The following ABCA3 variants were observed in gnomAD, a reference collection of about 807,000 sequenced individuals.
ABCA3 encodes ATP binding cassette subfamily A member 3, also known as phospholipid-transporting ATPase ABCA3.
ABCA3 carries 88 observed loss-of-function variants against 172.8 expected under a neutral mutation model. That is an observed-to-expected ratio of 0.51 (90% confidence interval 0.43 to 0.61). The LOEUF is 0.61. Ranked by LOEUF, ABCA3 falls within the 20% of genes least tolerant of loss-of-function variation. ABCA3 has a pLI of 0.00. For synonymous variants in ABCA3, 1,066 were observed against 983.8 expected (o/e 1.08, Z -1.56); for missense variants, 2,164 against 2,301.0 (o/e 0.94, Z 1.22).
intron 11 of ABCA3, among the ~76,000 whole-genome samples, chr16:2,305,299 A>T (rs1387684298): frequency 6.7e-6 from 1 of 150,196 alleles, no homozygotes; most frequent in Non-Finnish European, 1.5e-5. Flanking sequence ...ACACCTGGCT[A>T]ATTTTTGTAT....
chr16:2,278,060 C>T lies in ABCA3; in HGVS notation c.4728G>A (p.Glu1576=), dbSNP rs1433361192. Residue 1576 remains glutamate (E), a synonymous_variant, in exon 31 of 33, where the codon GAG becomes GAA. Coordinates refer to ENST00000301732, the MANE Select transcript of ABCA3 (RefSeq NM_001089.3). The surrounding 1 kb of genome is among the most constrained non-coding windows in gnomAD (Gnocchi z 4.4). ...CCAGCCGGGTGCACAGGGCCTCACA[C>T]TCCTCCATGCTGTGGAGAGGGCGGG... ...AIIITSHSME[E]CEALCTRLAI... 4.3e-6 allele frequency: 7 copies of T among 1,613,432 alleles called. No individual in the cohort carries two copies. Among genetic ancestry groups the T allele is most frequent in the Non-Finnish European group, 5.9e-6 (7 of 1,180,010 alleles).
At chr16:2,301,513 C>A (rs547443555) in intron 12 of ABCA3, among the ~76,000 whole-genome samples, 1 of 152,110 alleles carries the variant, frequency 6.6e-6, no homozygotes, top group South Asian at 2.1e-4. Flanking sequence ...TCAAGACCAG[C>A]CTGGCCAACA....
chr16:2,302,172 C>T (rs1017710609), intron 12 of ABCA3, among the ~76,000 whole-genome samples: 4 of 152,112 alleles, frequency 2.6e-5, no homozygotes, highest in African/African-American at 9.7e-5. Context: ...AATCTCTGTT[C>T]GGGGCTCTCA....
intron 10 of ABCA3, among the ~76,000 whole-genome samples, 157 bp from the exon 11 acceptor site, chr16:2,308,780 G>A (rs1256461244): frequency 2.0e-5 from 3 of 152,136 alleles, no homozygotes; most frequent in Non-Finnish European, 2.9e-5. Context: ...CCAGCACGGG[G>A]GGACACCAGG....
Position 2,299,409 on chromosome 16 carries a change from G to C in ABCA3, c.1735C>G (p.Leu579Val), listed in dbSNP as rs1371854650. The C allele has an allele frequency of 3.1e-6, 5 of 1,613,604 alleles. No homozygotes were observed. Among genetic ancestry groups the C allele is most frequent in the Non-Finnish European group, 4.2e-6 (5 of 1,179,992 alleles). The part of the protein sequence containing the change: ...GAGKTTTLSM[L>V]TGLFPPTSGR... Reference sequence around the variant, plus strand: ...TGAGGCGCCTGGCCCTCACCTGTGAGCATGGAGAGGGTGGTGGTCTTCCCG... The same window carrying C: ...TGAGGCGCCTGGCCCTCACCTGTGACCATGGAGAGGGTGGTGGTCTTCCCG... Residue 579 changes from leucine (L) to valine (V), a missense_variant, in exon 14 of 33, where the codon CTC becomes GTC. By Grantham distance (32) the Leu-to-Val change is conservative (BLOSUM62 1). Transcript: ENST00000301732.
At chr16:2,329,244 T>G (rs1171442488) in intron 2 of ABCA3, among the ~76,000 whole-genome samples, 1 of 152,240 alleles carries the variant, frequency 6.6e-6, no homozygotes, top group Non-Finnish European at 1.5e-5. Flanking sequence ...GTAGAAGACC[T>G]GTCTCAAAGT....
rs1303949949 is a variant in ABCA3, at chr16:2,308,589, G to A, written c.1146C>T (p.Tyr382=). Residue 382 remains tyrosine, a synonymous_variant, in exon 11 of 33, where the codon TAC becomes TAT. Transcript: ENST00000301732. ...AGAAGTAGGGGATGTAGGTGAAGAA[G>A]TAGAGGAAGCCTCCGAAGGCTGCTG... ...NMAAAFGGFL[Y]FFTYIPYFFV... is the part of the protein sequence containing the mutation. The A allele has an allele frequency of 6.2e-7, 1 of 1,614,092 alleles. No homozygotes were observed. The highest frequency in any genetic ancestry group is 1.1e-5 in the South Asian group (1 of 91,094).
In ABCA3 at chr16:2,299,912, G is replaced by A. The variant is rs112441164; in HGVS notation, c.1611+93C>T. The A allele has an allele frequency of 1.7e-5, 26 of 1,562,946 alleles. No individual in the cohort carries two copies. The African/African-American group carries it at 1.8e-4, about 11-fold the overall frequency. On this transcript the variant is annotated intron_variant, in intron 13 of 32. Transcript: ENST00000301732. ...GGAGGGAGCAAGGCTCAGAGGGAGC[G>A]CCTGACGGGCTATGAGGTCTCACTG...
In ABCA3 at chr16:2,298,504, C is replaced by A; in HGVS notation, c.1778G>T (p.Ser593Ile). 6.2e-7 allele frequency: 1 copy of A among 1,614,040 alleles called. No homozygotes were observed. Among genetic ancestry groups the A allele is most frequent in the Non-Finnish European group, 8.5e-7 (1 of 1,180,038 alleles). The change falls in exon 15 of 33, where the codon AGC (serine) becomes ATC (isoleucine). Residue 593 changes from serine to isoleucine, a missense_variant. Ser to Ile is a moderately radical substitution (Grantham distance 142). Around this residue, in one of 3 missense-constraint regions of ABCA3, gnomAD observed 1,343 missense variants for 1,369.6 expected, o/e 0.98. Transcript: ENST00000301732. ...CATGTCCTGGGAAATTTCATACCCGCTGATGTATGCCCGTCCACTGGTGGG... is the reference window on the plus strand; with the variant it reads ...CATGTCCTGGGAAATTTCATACCCGATGATGTATGCCCGTCCACTGGTGGG... Reference protein sequence around the residue: ...FPPTSGRAYISGYEISQDMVQ... With the variant: ...FPPTSGRAYIIGYEISQDMVQ...
rs560583265 is a variant in ABCA3 at position 2,338,551 on chromosome 16, G to T, written c.-539+2022C>A. ...GCCCAGGCTGGCTTCCCAGGTGATT[G>T]TAACGGGAAGCCTGGGTGGAGACCC... On this transcript the variant is annotated intron_variant, in intron 1 of 32. Coordinates refer to ENST00000301732, the MANE Select transcript of ABCA3 (RefSeq NM_001089.3). Among the ~76,000 whole-genome samples the T allele has an allele frequency of 3.3e-5, 5 of 152,142 alleles. No homozygotes were observed. In the East Asian group the frequency reaches 9.7e-4, roughly 29 times the overall value.
rs750170161 is a variant in ABCA3 at position 2,304,057 on chromosome 16, G to A, written c.1379C>T (p.Ser460Phe). 6 of 1,614,094 alleles carry A rather than the reference G, an allele frequency of 3.7e-6. No individual in the cohort carries two copies. In the Admixed American group the frequency reaches 8.3e-5, roughly 22 times the overall value. ...GQVLGMLLLD[S>F]VLYGLVTWYM... ...CCAGGTCACCAGGCCATAGAGCACA[G>A]AGTCCAGCAGCAGCATCCCCAGCAC... The change falls in exon 12 of 33, where the codon TCT becomes TTT. Residue 460 changes from serine to phenylalanine, a missense_variant. Transcript: ENST00000301732.
At position 2,284,301 on chromosome 16, in the gene ABCA3, G is replaced by A. The variant is rs147123460; in HGVS notation, c.3840C>T (p.Ala1280=). 18 of 1,613,686 alleles carry A rather than the reference G, an allele frequency of 1.1e-5. 1 individual carries two copies. The highest frequency in any genetic ancestry group is 1.7e-4 in the Middle Eastern group (1 of 6,054). Residue 1280 remains alanine (A), a synonymous_variant, in exon 25 of 33, where the codon GCC becomes GCT. Transcript: ENST00000301732. This position sits in a 1 kb window ranked among gnomAD's most constrained non-coding sequence, Gnocchi z 5.9. ...CACTATATTTCTTGCAGTAGTGGGC[G>A]GCGACCTCGGAGGAGGTGCAGTACC... The part of the protein sequence containing the change: ...TRRYCTSSEV[A]AHYCKKYNIQ...
In ABCA3 at chr16:2,297,705, G is replaced by C; in HGVS notation, c.2052+61C>G. Reference sequence around the variant, plus strand: ...AGGGCCAAGGTGCCCGGGCCATGGCGGAAGGGCCATCCCAGGTCGAGCAGG... The same window carrying C: ...AGGGCCAAGGTGCCCGGGCCATGGCCGAAGGGCCATCCCAGGTCGAGCAGG... On this transcript the variant is annotated intron_variant, in intron 16 of 32. Transcript: ENST00000301732. The surrounding 1 kb of genome is among the most constrained non-coding windows in gnomAD (Gnocchi z 5.6). The C allele has an allele frequency of 6.2e-7, 1 of 1,601,970 alleles. No individual in the cohort carries two copies. Among genetic ancestry groups the C allele is most frequent in the Non-Finnish European group, 8.5e-7 (1 of 1,179,430 alleles).
At chr16:2,323,240 A>G in intron 7 of ABCA3, 3 of 516,946 alleles carry the variant, frequency 5.8e-6, no homozygotes. Flanking sequence ...TGTGGAAGTC[A>G]GTGTGGCGAT....
chr16:2,332,913 C>T (rs2093745807), intron 1 of ABCA3, among the ~76,000 whole-genome samples: 1 of 151,994 alleles, frequency 6.6e-6, no homozygotes, highest in African/African-American at 2.4e-5. Context: ...CTCAAGTGAT[C>T]GTCTTGCCTC....
At position 2,277,587 on chromosome 16, in the gene ABCA3, A is replaced by C; in HGVS notation, c.4983+10T>G. 6.2e-7 allele frequency: 1 copy of C among 1,612,854 alleles called. No homozygotes were observed. The highest frequency in any genetic ancestry group is 8.5e-7 in the Non-Finnish European group (1 of 1,179,942). On this transcript the variant is annotated intron_variant, in intron 32 of 32. Coordinates refer to ENST00000301732, the MANE Select transcript of ABCA3 (RefSeq NM_001089.3). This position sits in a 1 kb window ranked among gnomAD's most constrained non-coding sequence, Gnocchi z 5.3. ...ATGAGTGCCCAGTGGGGCCCCAGGG[A>C]CTGCCTCACCTTCGCCCAGCTGAGG... is the stretch of plus-strand genomic sequence containing the variant.
At chr16:2,292,525 G>A (rs1459607281) in intron 18 of ABCA3, among the ~76,000 whole-genome samples, 1 of 152,094 alleles carries the variant, frequency 6.6e-6, no homozygotes, top group East Asian at 1.9e-4. Flanking sequence ...CTTGAACCCA[G>A]GAGGTGGAGG....
intron 1 of ABCA3, among the ~76,000 whole-genome samples, chr16:2,340,336 C>A (rs1316086281): frequency 2.0e-5 from 3 of 151,956 alleles, no homozygotes; most frequent in Admixed American, 6.5e-5. Context: ...CGGATGGGAG[C>A]CGACGCTGAG....
At chr16:2,323,413 C>G (rs2093729115) in intron 7 of ABCA3, 110 bp downstream of exon 7, 4 of 1,441,064 alleles carry the variant, frequency 2.8e-6, no homozygotes, top group African/African-American at 1.4e-5. Context: ...GCCAAATGTC[C>G]TGAAAAGTAT....
Sources: gnomAD v4.1 joint callset for allele counts (sites outside exome capture counted in the v4.1 genomes callset) on GRCh38, gnomAD v4.1.1 for gene constraint, gnomAD v4.1.1 regional missense constraint, Gnocchi (gnomAD v3.1) non-coding constraint, MANE v1.5 for transcripts, NCBI Gene and HGNC (gene_info 2026-07-23, HGNC 2026-07-21) for gene names.